The following DEPDC4 variants were observed in gnomAD, a reference collection of about 807,000 sequenced individuals.
DEPDC4 encodes the protein DEP domain containing 4, also known as DEP domain-containing protein 4.
Under a neutral mutation model 52.0 loss-of-function variants are expected in DEPDC4, and 52 were observed. The ratio of observed to expected loss-of-function variants is 1.00; its 90% confidence interval spans 0.80 to 1.26. The LOEUF (loss-of-function observed/expected upper bound fraction) is 1.26. Among genes scored for constraint, DEPDC4 ranks in the 50% most tolerant of loss-of-function variants. The pLI is 0.00. For synonymous variants in DEPDC4, 201 were observed against 196.8 expected (o/e 1.02, Z -0.18); for missense variants, 530 against 546.9 (o/e 0.97, Z 0.31).
At chr12:100,277,670 G>A in the DEPDC4 span, among the ~76,000 whole-genome samples, 4 of 152,222 alleles carry the variant, frequency 2.6e-5, 1 homozygote, top group Middle Eastern at 0.01. Flanking sequence ...TCTCTGCCTT[G>A]TAATTGAAAT....
rs1566317762 is a variant in DEPDC4, at chr12:100,253,680, A to G, written c.914T>C (p.Leu305Ser). ...DNWLNAAIEC[L>S]EYFPDQLIVT... is the part of the protein sequence containing the mutation. ...TATTAACTGGTCAGGGAAATACTCC[A>G]AGCATTCAATTGCTGCATTAAGCCA... Residue 305 changes from leucine (L) to serine (S), a missense_variant, in exon 5 of 10, where the codon TTG (leucine) becomes TCG (serine). Physicochemically the swap from Leu to Ser is moderately radical, Grantham distance 145. Coordinates refer to ENST00000550587, the MANE Select transcript of DEPDC4 (RefSeq NM_001364818.2). 7.8e-7 allele frequency: 1 copy of G among 1,289,868 alleles called. No homozygotes were observed. The highest frequency in any genetic ancestry group is 1.0e-6 in the Non-Finnish European group (1 of 988,964). 79.9% of individuals were successfully genotyped at this position (1,289,868 alleles called of 1,614,324 possible). A position where few individuals can be genotyped will look rare whatever the true frequency, so the allele number is the denominator to read the frequency against.
At chr12:100,281,038 T>TG in the DEPDC4 span, among the ~76,000 whole-genome samples, 1 of 138,042 alleles carries the variant, frequency 7.2e-6, no homozygotes, top group African/African-American at 2.7e-5. Flanking sequence ...TTTTTTTTTT[T>TG]TTTTTTTTTT....
At chr12:100,267,168 A>G (rs899750580), upstream of DEPDC4, 28 of 1,396,958 alleles carry the variant, frequency 2.0e-5, no homozygotes, top group Non-Finnish European at 2.5e-5. Flanking sequence ...CCCGGCCGGC[A>G]GGTCTTTTAG....
rs766857486 is a variant in DEPDC4 at position 100,252,459 on chromosome 12, A to G, written c.1183T>C (p.Leu395=). The G allele has an allele frequency of 6.2e-7, 1 of 1,606,678 alleles. No individual in the cohort carries two copies. The highest frequency in any genetic ancestry group is 1.1e-5 in the South Asian group (1 of 90,978). The change falls in exon 6 of 10, where the codon TTA becomes CTA. Residue 395 remains leucine (L), a synonymous_variant. Coordinates refer to ENST00000550587, the MANE Select transcript of DEPDC4 (RefSeq NM_001364818.2). ...GCCATAAAAGTAAGTAGCCGTCGTA[A>G]TTCTTCTCTAATGTTCAGCAACAGC... The part of the protein sequence containing the change: ...RLLLLNIREE[L]RRLLTFMAMA...
chr12:100,247,681 T>C (rs1240993938), intron 8 of DEPDC4, among the ~76,000 whole-genome samples: 2 of 152,206 alleles, frequency 1.3e-5, no homozygotes, highest in East Asian at 3.8e-4. Context: ...AGATTCTAAG[T>C]ACTAGTTTCA....
upstream of DEPDC4, among the ~76,000 whole-genome samples, chr12:100,269,546 C>T (rs1348216409): frequency 6.6e-6 from 1 of 151,994 alleles, no homozygotes; most frequent in Non-Finnish European, 1.5e-5. Context: ...ACTGAATGGG[C>T]CAAGAATTGT....
In DEPDC4 at chr12:100,262,326, C is replaced by T; in HGVS notation, c.638G>A (p.Gly213Glu). Residue 213 changes from glycine to glutamate, a missense_variant, in exon 3 of 10, where the codon GGG becomes GAG. Transcript: ENST00000550587. The stretch of plus-strand genomic sequence containing the variant: ...GATATTTGGACATAAAGCTGGATTC[C>T]CATTTATTGTATGAATAAGTTCCTC... ...RIEELIHTINGNPALCPNITV... is the reference protein window; with the variant it reads ...RIEELIHTINENPALCPNITV... 1 of 1,613,312 alleles carries T rather than the reference C, an allele frequency of 6.2e-7. No individual in the cohort carries two copies. Among genetic ancestry groups the T allele is most frequent in the Non-Finnish European group, 8.5e-7 (1 of 1,179,732 alleles).
Position 100,232,267 on chromosome 12 carries a change from G to A in DEPDC4, c.*699+5701C>T, listed in dbSNP as rs558512762. Among the ~76,000 whole-genome samples the A allele has an allele frequency of 4.6e-5, 7 of 151,678 alleles. No individual in the cohort carries two copies. In the East Asian group the frequency reaches 9.8e-4, roughly 21 times the overall value. On this transcript the variant is annotated intron_variant and NMD_transcript_variant, in intron 9 of 10. Transcript: ENST00000378244. ...AAAAATTAGCCAGGTATGGTGGCACGCAACTGTAATCCCAGCTACTAGGGA... is the reference window on the plus strand; with the variant it reads ...AAAAATTAGCCAGGTATGGTGGCACACAACTGTAATCCCAGCTACTAGGGA...
At chr12:100,273,457 T>C in the DEPDC4 span, among the ~76,000 whole-genome samples, 2 of 152,186 alleles carry the variant, frequency 1.3e-5, no homozygotes, top group Non-Finnish European at 2.9e-5. Context: ...TTTTCATAGC[T>C]TATTTTTCAT....
upstream of DEPDC4, among the ~76,000 whole-genome samples, chr12:100,268,227 T>C (rs1044926791): frequency 2.0e-5 from 3 of 152,232 alleles, no homozygotes; most frequent in African/African-American, 7.2e-5. Context: ...GATGACACTT[T>C]CTAAAAACAT....
In DEPDC4 at chr12:100,262,282, GA is replaced by G. The variant is rs756692194; in HGVS notation, c.681del (p.Leu228SerfsTer20). Reference protein sequence around the residue: ...LCPNITVQKPFLRLSKEDVWK... With the variant: ...LCPNITVQKPXLRLSKEDVWK... ...AAATTACCTTCTTTTGAAAGCCGGA[GA>G]AAAGGTTTCTGAACTGTGATATTTG... On this transcript the variant is annotated frameshift_variant, in exon 3 of 10. Transcript: ENST00000550587. LOFTEE classifies it high-confidence loss of function. 3 of 1,603,948 alleles carry G rather than the reference GA, an allele frequency of 1.9e-6. No individual in the cohort carries two copies. The highest frequency in any genetic ancestry group is 2.2e-5 in the South Asian group (2 of 88,956).
At chr12:100,244,779 C>G (rs1222537571) in intron 8 of DEPDC4, among the ~76,000 whole-genome samples, 1 of 150,298 alleles carries the variant, frequency 6.7e-6, no homozygotes, top group Admixed American at 6.7e-5. Context: ...TTATTTTTAG[C>G]TCCTCTCTCT....
chr12:100,244,087 C>G (rs1814684351), intron 8 of DEPDC4, among the ~76,000 whole-genome samples: 2 of 29,432 alleles, frequency 6.8e-5, no homozygotes, highest in Non-Finnish European at 1.2e-4. Flanking sequence ...CTCTCTCTCT[C>G]TCTCTGTGTA....
At chr12:100,241,871 G>T in intron 9 of DEPDC4, 26 bp from the exon 10 acceptor site, 1 of 1,104,818 alleles carries the variant, frequency 9.1e-7, no homozygotes, top group Non-Finnish European at 1.1e-6. Context: ...AAAAACAAAA[G>T]AAAAAGAAAA....
chr12:100,250,952 A>T (rs1187675141), intron 7 of DEPDC4, among the ~76,000 whole-genome samples: 1 of 152,208 alleles, frequency 6.6e-6, no homozygotes, highest in East Asian at 1.9e-4. Context: ...TTCATGAATG[A>T]AACATTTTTT....
chr12:100,281,019 G>GTTTTGTTTTTTTTTT, the DEPDC4 span, among the ~76,000 whole-genome samples: 52 of 50,490 alleles, frequency 1.0e-3, 2 homozygotes, highest in African/African-American at 3.4e-3. Context: ...TACCATCAGT[G>GTTTTGTTTTTTTTTT]TTTTTTTTTT....
rs774444544 is a variant in DEPDC4 at position 100,244,095 on chromosome 12, G to GTA, written c.1454-1528_1454-1527dup. 9.8e-3 allele frequency among the ~76,000 whole-genome samples: 504 copies of GTA among 51,584 alleles called. 5 individuals are homozygous for GTA. Among genetic ancestry groups the GTA allele is most frequent in the Non-Finnish European group, 0.016 (405 of 25,766 alleles). The allele number at this position is 51,584 out of a possible 152,430, so 33.8% of individuals were successfully genotyped here. A position where few individuals can be genotyped will look rare whatever the true frequency, so the allele number is the denominator to read the frequency against. On this transcript the variant is annotated intron_variant, in intron 8 of 9. Transcript: ENST00000550587. Reference sequence around the variant, plus strand: ...CCTCTCTCTCTCTCTCTCTCTCTGTGTATATATATATATATATATATATAT... The same window carrying GTA: ...CCTCTCTCTCTCTCTCTCTCTCTGTGTATATATATATATATATATATATATAT...
intron 1 of DEPDC4, among the ~76,000 whole-genome samples, chr12:100,264,832 G>A (rs919502732): frequency 3.3e-5 from 5 of 152,080 alleles, no homozygotes; most frequent in Non-Finnish European, 5.9e-5. Context: ...TGTTGCTCCC[G>A]ATTAAGGGGT....
At chr12:100,231,851 G>A (rs186856579) in intron 9 of DEPDC4, among the ~76,000 whole-genome samples, 46 of 151,854 alleles carry the variant, frequency 3.0e-4, no homozygotes, top group African/African-American at 1.0e-3. Flanking sequence ...AGGCTGAGGC[G>A]GGAGAGTCGC....
Sources: gnomAD v4.1 joint callset for allele counts (sites outside exome capture counted in the v4.1 genomes callset) on GRCh38, gnomAD v4.1.1 for gene constraint, MANE v1.5 for transcripts, NCBI Gene and HGNC (gene_info 2026-07-23, HGNC 2026-07-21) for gene names.